MED12L: variants seen among roughly 807,000 people sequenced by gnomAD.
MED12L encodes the protein mediator complex subunit 12L.
Under a neutral mutation model 281.3 loss-of-function variants are expected in MED12L, and 60 were observed. The observed-to-expected ratio is 0.21, with a 90% CI of 0.17 to 0.26. The LOEUF (loss-of-function observed/expected upper bound fraction) is 0.26. Ranked by LOEUF, MED12L falls within the 10% of genes least tolerant of loss-of-function variation. The pLI, the probability that MED12L is intolerant of heterozygous loss-of-function variation, is 1.00. For synonymous variants in MED12L, 974 were observed against 987.2 expected, an observed-to-expected ratio of 0.99 and a Z score of 0.25; for missense variants, 2,146 against 2,680.9, an observed-to-expected ratio of 0.80 and a Z score of 4.41.
chr3:151,365,294 G>A, intron 22 of MED12L, 88 bp downstream of exon 22: 1 of 1,081,932 alleles, frequency 9.2e-7, no homozygotes, highest in Admixed American at 1.8e-5. Flanking sequence ...GTAAGTGTCT[G>A]GACTCACATT....
At chr3:151,432,125 G>A (rs904381938) in intron 44 of MED12L, among the ~76,000 whole-genome samples, 2 of 152,162 alleles carry the variant, frequency 1.3e-5, no homozygotes, top group Non-Finnish European at 1.5e-5. Context: ...CATGTGAATG[G>A]GGCCTCCGGA....
At chr3:151,238,408 A>G (rs1733376582) in intron 16 of MED12L, among the ~76,000 whole-genome samples, 1 of 152,168 alleles carries the variant, frequency 6.6e-6, no homozygotes, top group Admixed American at 6.5e-5. Flanking sequence ...CAGCCTCCCA[A>G]AGTGCTGGGA....
intron 16 of MED12L, among the ~76,000 whole-genome samples, chr3:151,335,328 AGTTATTAT>A (rs1478353335): frequency 2.0e-5 from 3 of 152,242 alleles, no homozygotes; most frequent in Non-Finnish European, 4.4e-5. Flanking sequence ...AAATATGTAC[AGTTATTAT>A]GTATCCATAA....
chr3:151,142,192 A>G (rs867272418), intron 5 of MED12L, among the ~76,000 whole-genome samples: 2 of 152,228 alleles, frequency 1.3e-5, no homozygotes, highest in Admixed American at 6.5e-5. Flanking sequence ...AAAGTGGAAG[A>G]ATGGGAAATT....
rs1577100845 is a variant in MED12L at position 151,245,638 on chromosome 3, C to T, written c.2250+51972C>T. On this transcript the variant is annotated intron_variant, in intron 16 of 44. Coordinates refer to ENST00000687756, the MANE Select transcript of MED12L (RefSeq NM_001393769.1). ...TGTATTTCAAAATAATAAGAGCTAT[C>T]TATGACAAACCCACAGCCAATATCA... Among the ~76,000 whole-genome samples the T allele has an allele frequency of 2.7e-5, 4 of 146,180 alleles. No individual in the cohort carries two copies. The South Asian group carries it at 6.9e-4, about 25-fold the overall frequency.
At chr3:151,099,243 G>C (rs1721108682) in intron 2 of MED12L, among the ~76,000 whole-genome samples, 1 of 152,170 alleles carries the variant, frequency 6.6e-6, no homozygotes, top group Non-Finnish European at 1.5e-5. Context: ...TAAGAGGAAG[G>C]AGCATGAGAA....
chr3:151,215,504 T>G (rs1728033404), intron 16 of MED12L, among the ~76,000 whole-genome samples: 1 of 152,236 alleles, frequency 6.6e-6, no homozygotes, highest in African/African-American at 2.4e-5. Flanking sequence ...TAGGAAATTT[T>G]AAATTACATA....
intron 16 of MED12L, among the ~76,000 whole-genome samples, chr3:151,265,995 G>A (rs962097838): frequency 6.6e-6 from 1 of 152,202 alleles, no homozygotes; most frequent in Non-Finnish European, 1.5e-5. Flanking sequence ...ATTGTTGTCT[G>A]TGCCTTCAGG....
At chr3:151,109,722 TAAAC>T (rs1711579067) in intron 2 of MED12L, among the ~76,000 whole-genome samples, 1 of 152,238 alleles carries the variant, frequency 6.6e-6, no homozygotes, top group Admixed American at 6.5e-5. Flanking sequence ...CTGTTAATGT[TAAAC>T]ATATTTAAAA....
chr3:151,372,833 C>T, intron 27 of MED12L, 67 bp downstream of exon 27: 2 of 1,297,920 alleles, frequency 1.5e-6, no homozygotes, highest in East Asian at 2.3e-5. Context: ...GCTACTTACA[C>T]TTATAGGAAA....
chr3:151,116,228 G>T (rs4680158), intron 2 of MED12L, 110 bp from the exon 3 acceptor site: 1 of 661,408 alleles, frequency 1.5e-6, no homozygotes. Flanking sequence ...CCTTTCAAGA[G>T]TTCTCCTCTA....
At chr3:151,103,509 A>G (rs1721637246) in intron 2 of MED12L, among the ~76,000 whole-genome samples, 1 of 152,218 alleles carries the variant, frequency 6.6e-6, no homozygotes, top group African/African-American at 2.4e-5. Flanking sequence ...TGTGTTCAAC[A>G]CTTCATTCAT....
intron 2 of MED12L, among the ~76,000 whole-genome samples, chr3:151,105,452 C>T (rs1385850701): frequency 6.6e-6 from 1 of 152,166 alleles, no homozygotes; most frequent in East Asian, 1.9e-4. Flanking sequence ...AGACACCCCT[C>T]TCAGGTCACC....
chr3:151,169,648 TAAC>T (rs901332163), intron 11 of MED12L, among the ~76,000 whole-genome samples: 9 of 152,334 alleles, frequency 5.9e-5, no homozygotes, highest in African/African-American at 1.7e-4. Flanking sequence ...TAAAAATTGT[TAAC>T]AATAATAATA....
rs138841969 is a variant in MED12L, at chr3:151,328,610, A to G, written c.2251-21449A>G. The G allele has an allele frequency of 4.8e-5, 78 of 1,613,848 alleles. No homozygotes were observed. In the African/African-American group the frequency reaches 9.6e-4, roughly 20 times the overall value. ...AGGTTTTTTTAGAAAAATATTTCTC[A>G]AAGGTCTGATGATCTTGAGGAATCT... is the stretch of plus-strand genomic sequence containing the variant. On this transcript the variant is annotated intron_variant, in intron 16 of 44. Transcript: ENST00000687756.
chr3:151,245,135 G>C (rs1370126944), intron 16 of MED12L, among the ~76,000 whole-genome samples: 2 of 152,122 alleles, frequency 1.3e-5, no homozygotes, highest in African/African-American at 4.8e-5. Flanking sequence ...CAATAGCTTA[G>C]CAACCAAAAA....
At chr3:151,293,638 TACACACAC>T (rs199892582) in intron 16 of MED12L, among the ~76,000 whole-genome samples, 29,698 of 99,204 alleles carry the variant, frequency 0.3, 3,857 homozygotes, top group East Asian at 0.48. Flanking sequence ...ATGAAGCCCT[TACACACAC>T]ACACACACAC....
intron 11 of MED12L, among the ~76,000 whole-genome samples, chr3:151,182,601 T>A (rs1436231028): frequency 6.6e-6 from 1 of 152,088 alleles, no homozygotes; most frequent in African/African-American, 2.4e-5. Context: ...CTGCCAACAC[T>A]GAGGCCCGAG....
At chr3:151,329,490 G>A in intron 16 of MED12L, 1 of 1,544,386 alleles carries the variant, frequency 6.5e-7, no homozygotes, top group Non-Finnish European at 8.8e-7. Context: ...CCTTTGGGAG[G>A]ATACTCAGTT....
Sources: allele counts gnomAD v4.1 joint callset (sites outside exome capture counted in the v4.1 genomes callset), GRCh38; gene constraint gnomAD v4.1.1; transcripts MANE v1.5; gene names NCBI Gene and HGNC (gene_info 2026-07-23, HGNC 2026-07-21).